The following CAMK1D variants were observed in gnomAD, a reference collection of about 807,000 sequenced individuals.
CAMK1D encodes calcium/calmodulin dependent protein kinase ID.
A neutral mutation model predicts 47.7 loss-of-function variants in CAMK1D; 9 were observed. The ratio of observed to expected loss-of-function variants is 0.19; its 90% CI spans 0.11 to 0.33. The LOEUF (loss-of-function observed/expected upper bound fraction) is 0.33. Ranked by LOEUF, CAMK1D falls within the 10% of genes least tolerant of loss-of-function variation. The pLI, the probability that CAMK1D is intolerant of heterozygous loss-of-function variation, is 1.00. For missense variants in CAMK1D, 291 were observed against 488.7 expected (o/e 0.60, Z 3.81); for synonymous variants, 184 against 184.9 (o/e 0.99, Z 0.04).
chr10:12,601,416 C>T (rs2132388327), intron 2 of CAMK1D, among the ~76,000 whole-genome samples: 1 of 152,262 alleles, frequency 6.6e-6, no homozygotes, highest in South Asian at 2.1e-4. Flanking sequence ...CCTGCCACAG[C>T]ACCTCGTATA....
intron 3 of CAMK1D, among the ~76,000 whole-genome samples, chr10:12,675,695 C>G (rs191771819): frequency 6.6e-6 from 1 of 152,176 alleles, no homozygotes; most frequent in African/African-American, 2.4e-5. Flanking sequence ...GATCTTATCA[C>G]GCCTTTGTTG....
At chr10:12,470,388 T>C (rs942385460) in intron 1 of CAMK1D, among the ~76,000 whole-genome samples, 1 of 152,216 alleles carries the variant, frequency 6.6e-6, no homozygotes, top group Non-Finnish European at 1.5e-5. Flanking sequence ...GTCAACACAA[T>C]TGCTTTTGTA....
intron 1 of CAMK1D, among the ~76,000 whole-genome samples, chr10:12,474,349 G>A (rs1018890262): frequency 9.2e-5 from 14 of 151,604 alleles, no homozygotes; most frequent in Non-Finnish European, 1.3e-4. Flanking sequence ...CCACCACCAC[G>A]CCTGCCTAAT....
At chr10:12,547,682 T>TCTCTCTCACACACACA (rs10643491) in intron 1 of CAMK1D, among the ~76,000 whole-genome samples, 24 of 116,574 alleles carry the variant, frequency 2.1e-4, no homozygotes, top group South Asian at 3.3e-4. Flanking sequence ...TTTCTCTCTC[T>TCTCTCTCACACACACA]CACACACACA....
intron 2 of CAMK1D, among the ~76,000 whole-genome samples, chr10:12,615,944 GTT>G (rs1230320205): frequency 1.3e-5 from 2 of 151,644 alleles, no homozygotes; most frequent in African/African-American, 4.8e-5. Flanking sequence ...TTGCAAGTGT[GTT>G]GGTGTGCGCA....
rs549369886 is a variant in CAMK1D, at chr10:12,379,266, C to T, written c.92+29356C>T. Among the ~76,000 whole-genome samples the T allele has an allele frequency of 1.5e-3, 236 of 152,274 alleles. 1 individual carries two copies. The highest frequency in any genetic ancestry group is 3.1e-3 in the South Asian group (15 of 4,820). On this transcript the variant is annotated intron_variant, in intron 1 of 10. Coordinates refer to ENST00000619168, the MANE Select transcript of CAMK1D (RefSeq NM_153498.4). ...CTGGACGAATATAACGCTGTTTTGG[C>T]CTGAATCTCAGCATGACTGCTCACC...
intron 1 of CAMK1D, among the ~76,000 whole-genome samples, chr10:12,375,893 T>G (rs1838163027): frequency 6.6e-6 from 1 of 152,108 alleles, no homozygotes; most frequent in African/African-American, 2.4e-5. Context: ...CCGGGCACGG[T>G]GGCTCACACC....
intron 2 of CAMK1D, among the ~76,000 whole-genome samples, chr10:12,581,341 A>G (rs534041296): frequency 2.0e-5 from 3 of 152,306 alleles, no homozygotes; most frequent in South Asian, 2.1e-4. Flanking sequence ...TTGTGCTGCT[A>G]TAAACATGCA....
At chr10:12,697,862 C>T (rs1171707794) in intron 3 of CAMK1D, among the ~76,000 whole-genome samples, 1 of 152,180 alleles carries the variant, frequency 6.6e-6, no homozygotes, top group African/African-American at 2.4e-5. Flanking sequence ...GTCCATTTCA[C>T]AGCCATGGGG....
chr10:12,620,200 A>AAAT (rs1838952943), intron 2 of CAMK1D, among the ~76,000 whole-genome samples: 3 of 145,114 alleles, frequency 2.1e-5, no homozygotes, highest in African/African-American at 7.4e-5. Context: ...AAAAAAAAAA[A>AAAT]AAAAAAAAAA....
chr10:12,591,012 C>T (rs954688098), intron 2 of CAMK1D, among the ~76,000 whole-genome samples: 10 of 152,154 alleles, frequency 6.6e-5, no homozygotes, highest in Admixed American at 5.2e-4. Context: ...GATAGCTAAC[C>T]GATTTTTAAT....
chr10:12,366,935 T>C (rs2131849810), intron 1 of CAMK1D, among the ~76,000 whole-genome samples: 1 of 152,272 alleles, frequency 6.6e-6, no homozygotes, highest in South Asian at 2.1e-4. Flanking sequence ...TTGAAGTTTG[T>C]CAGTAATTCG....
At chr10:12,674,361 A>G (rs190020115) in intron 3 of CAMK1D, among the ~76,000 whole-genome samples, 2 of 152,314 alleles carry the variant, frequency 1.3e-5, no homozygotes, top group South Asian at 2.1e-4. Context: ...AAAACACAAC[A>G]TTTTGGAGGA....
chr10:12,489,448 C>G (rs1834314325), intron 1 of CAMK1D, among the ~76,000 whole-genome samples: 1 of 152,146 alleles, frequency 6.6e-6, no homozygotes, highest in Non-Finnish European at 1.5e-5. Flanking sequence ...TAAAAAGTGT[C>G]CCTTGGATTT....
At chr10:12,787,525 G>A (rs1050211465) in intron 5 of CAMK1D, among the ~76,000 whole-genome samples, 1 of 152,192 alleles carries the variant, frequency 6.6e-6, no homozygotes. Flanking sequence ...CCTGCTCTGC[G>A]GTGGCTGTGG....
intron 1 of CAMK1D, among the ~76,000 whole-genome samples, chr10:12,467,359 T>A (rs1470978828): frequency 6.6e-6 from 1 of 152,030 alleles, no homozygotes; most frequent in African/African-American, 2.4e-5. Flanking sequence ...TGCCATTTTG[T>A]CCAGGCTGGT....
chr10:12,403,704 T>A (rs1198925038), intron 1 of CAMK1D, among the ~76,000 whole-genome samples: 1 of 152,156 alleles, frequency 6.6e-6, no homozygotes, highest in East Asian at 1.9e-4. Context: ...TTGCAAAAAA[T>A]TCAGTATACT....
intron 3 of CAMK1D, among the ~76,000 whole-genome samples, chr10:12,740,006 C>A (rs1018106705): frequency 6.6e-6 from 1 of 152,206 alleles, no homozygotes; most frequent in African/African-American, 2.4e-5. Context: ...AAATATATTT[C>A]CTACCTTGTA....
At chr10:12,443,459 A>G (rs1336346013) in intron 1 of CAMK1D, among the ~76,000 whole-genome samples, 2 of 152,164 alleles carry the variant, frequency 1.3e-5, no homozygotes, top group African/African-American at 4.8e-5. Flanking sequence ...TGTTACAGGA[A>G]AGGGGTCCTG....
Sources: allele counts gnomAD v4.1 joint callset (sites outside exome capture counted in the v4.1 genomes callset), GRCh38; gene constraint gnomAD v4.1.1; transcripts MANE v1.5; gene names NCBI Gene and HGNC (gene_info 2026-07-23, HGNC 2026-07-21).